Variants in RER1 observed in about 807,000 individuals in gnomAD.
The protein encoded by RER1 is retention in endoplasmic reticulum sorting receptor 1.
Under a neutral mutation model 28.3 loss-of-function variants are expected in RER1, and 6 were observed. The observed-to-expected ratio is 0.21, with a 90% confidence interval of 0.12 to 0.42. The LOEUF is 0.42. RER1 is among the 10% of genes least tolerant of loss of function. The pLI is 1.00. For missense variants in RER1, 159 were observed against 252.9 expected (o/e 0.63, Z 2.52); for synonymous variants, 110 against 95.9 (o/e 1.15, Z -0.86).
chr1:2,399,642 G>C, intron 4 of RER1, 128 bp downstream of exon 4: 2 of 663,534 alleles, frequency 3.0e-6, no homozygotes, highest in Non-Finnish European at 5.4e-6. Context: ...TGTAATGTTG[G>C]GTGATCAGGA....
chr1:2,395,378 C>CT, intron 1 of RER1: 1 of 240,730 alleles, frequency 4.2e-6, no homozygotes, highest in Non-Finnish European at 8.3e-6. Context: ...AGACAAGGTG[C>CT]CTGGGCGGGG....
rs1642836167 is a variant in RER1 at position 2,400,873 on chromosome 1, A to C, written c.303A>C (p.Leu101=). Residue 101 remains leucine, a synonymous_variant, in exon 5 of 7, where the codon CTA becomes CTC. Transcript: ENST00000605895. The stretch of plus-strand genomic sequence containing the variant: ...GCCTTACAGATGACGGTCCTTCGCT[A>C]CCCACCAAACAGAACGAGGAATTCC... ...LMEDSDDGPS[L]PTKQNEEFRP... is the part of the protein sequence containing the mutation. 1.9e-6 allele frequency: 3 copies of C among 1,613,934 alleles called. No homozygotes were observed. The highest frequency in any genetic ancestry group is 2.5e-6 in the Non-Finnish European group (3 of 1,179,966).
At chr1:2,395,633 TCCCGAACAA>T in intron 1 of RER1, 142 bp from the exon 2 acceptor site, 1 of 650,198 alleles carries the variant, frequency 1.5e-6, no homozygotes, top group Admixed American at 2.4e-5. Context: ...TGCTACTTTT[TCCCGAACAA>T]TTCATGGTAA....
At chr1:2,400,504 C>T (rs1323593020) in intron 4 of RER1, among the ~76,000 whole-genome samples, 2 of 152,250 alleles carry the variant, frequency 1.3e-5, no homozygotes, top group African/African-American at 4.8e-5. Flanking sequence ...TCAGCGCATC[C>T]TCGGCCCCGC....
At chr1:2,392,899 G>C (rs910190146) in intron 1 of RER1, among the ~76,000 whole-genome samples, 1 of 152,198 alleles carries the variant, frequency 6.6e-6, no homozygotes, top group African/African-American at 2.4e-5. Flanking sequence ...ACGGGGTCTG[G>C]GAGGGCATTT....
At chr1:2,402,650 C>T (rs1290062934) in intron 6 of RER1, among the ~76,000 whole-genome samples, 1 of 152,206 alleles carries the variant, frequency 6.6e-6, no homozygotes, top group Admixed American at 6.5e-5. Context: ...TGCCCCGCGC[C>T]AGCCTGCCCG....
chr1:2,404,309 A>C lies in RER1; in HGVS notation c.*1185A>C, dbSNP rs960411014. 1 of 152,270 alleles carries C rather than the reference A, an allele frequency of 6.6e-6. No individual in the cohort carries two copies. Among genetic ancestry groups the C allele is most frequent in the African/African-American group, 2.4e-5 (1 of 41,464 alleles). 9.4% of individuals were successfully genotyped at this position (152,270 alleles called of 1,614,324 possible). ...CAAGCTTGTGTGTCCCTGACCCAAG[A>C]TAGCCAGTGCTGCTCCCAGGTGGTA... On this transcript the variant is annotated 3_prime_UTR_variant, in exon 7 of 7. Transcript: ENST00000605895.
At position 2,399,421 on chromosome 1, in the gene RER1, T is replaced by C. The variant is rs2100403388; in HGVS notation, c.193T>C (p.Tyr65His). ...CTCTTTCCTTCTCTTTCAGGGTTGG[T>C]ACATTGTGACCTATGCCTTGGGGAT... is the stretch of plus-strand genomic sequence containing the variant. ...MIRVYLLQGW[Y>H]IVTYALGIYH... The change falls in exon 4 of 7, where the codon TAC becomes CAC. Residue 65 changes from tyrosine (Y) to histidine (H), a missense_variant. Physicochemically the swap from Tyr to His is moderately conservative, Grantham distance 83. Transcript: ENST00000605895. The C allele has an allele frequency of 6.2e-7, 1 of 1,605,820 alleles. No homozygotes were observed. Among genetic ancestry groups the C allele is most frequent in the Non-Finnish European group, 8.5e-7 (1 of 1,172,392 alleles).
At chr1:2,401,260 TCCTCCACCCTCCC>T in intron 5 of RER1, among the ~76,000 whole-genome samples, 1 of 73,384 alleles carries the variant, frequency 1.4e-5, no homozygotes, top group East Asian at 5.2e-4. Flanking sequence ...CCTTCCTCCC[TCCTCCACCCTCCC>T]TCCTCCCTCC....
intron 3 of RER1, 23 bp from the exon 4 acceptor site, chr1:2,399,392 G>T: frequency 2.0e-6 from 3 of 1,509,054 alleles, no homozygotes; most frequent in South Asian, 1.1e-5. Flanking sequence ...GTGCACCACT[G>T]ACTCTCTTTC....
At chr1:2,394,406 G>GT (rs141256925) in intron 1 of RER1, 3 of 152,400 alleles carry the variant, frequency 2.0e-5, no homozygotes, top group African/African-American at 7.2e-5. Context: ...CTGGCCACCT[G>GT]TTGCCTTCCA....
Position 2,402,320 on chromosome 1 carries a change from T to A in RER1, c.479T>A (p.Ile160Asn). 1 of 1,614,202 alleles carries A rather than the reference T, an allele frequency of 6.2e-7. No homozygotes were observed. ...LVMYFIMLFC[I>N]TMKRQIKHMI... Reference sequence around the variant, plus strand: ...ATGTACTTCATCATGCTCTTCTGTATCACGATGAAGAGGCAAATCAAGGTA... The same window carrying A: ...ATGTACTTCATCATGCTCTTCTGTAACACGATGAAGAGGCAAATCAAGGTA... The change falls in exon 6 of 7, where the codon ATC (isoleucine) becomes AAC (asparagine). Residue 160 changes from isoleucine (I) to asparagine (N), a missense_variant. By Grantham distance (149) the Ile-to-Asn change is moderately radical (BLOSUM62 -3). Transcript: ENST00000605895.
At position 2,403,561 on chromosome 1, in the gene RER1, C is replaced by T. The variant is rs1642907098; in HGVS notation, c.*437C>T. 2 of 185,976 alleles carry T rather than the reference C, an allele frequency of 1.1e-5. No individual in the cohort carries two copies. Among genetic ancestry groups the T allele is most frequent in the South Asian group, 1.8e-4 (2 of 10,910 alleles). 11.5% of individuals were successfully genotyped at this position (185,976 alleles called of 1,614,324 possible). On this transcript the variant is annotated 3_prime_UTR_variant, in exon 7 of 7. Transcript: ENST00000605895. ...GAGGGATGATCTAGCCTGATTCCTG[C>T]GTGTCCGAAAGAACTTAACGTTTTA...
At chr1:2,401,143 G>T (rs1377848970) in intron 5 of RER1, among the ~76,000 whole-genome samples, 1 of 151,948 alleles carries the variant, frequency 6.6e-6, no homozygotes, top group African/African-American at 2.4e-5. Context: ...TGGAGGTTGA[G>T]TCTGGGATGG....
At chr1:2,398,904 C>T (rs1422947261) in intron 3 of RER1, among the ~76,000 whole-genome samples, 4 of 152,202 alleles carry the variant, frequency 2.6e-5, no homozygotes, top group Non-Finnish European at 4.4e-5. Flanking sequence ...GTTTAACCCT[C>T]CTGGCAGAGT....
chr1:2,392,143 G>A (rs1199287060), intron 1 of RER1, among the ~76,000 whole-genome samples, 185 bp downstream of exon 1: 2 of 151,452 alleles, frequency 1.3e-5, no homozygotes, highest in African/African-American at 2.4e-5. Context: ...GTCGCGCCTC[G>A]GGGTCGGGCC....
intron 1 of RER1, among the ~76,000 whole-genome samples, chr1:2,392,507 G>C (rs1283345297): frequency 6.6e-6 from 1 of 152,220 alleles, no homozygotes; most frequent in Non-Finnish European, 1.5e-5. Flanking sequence ...TCTCCAGGCT[G>C]ACTTAGTACT....
chr1:2,393,442 G>C (rs11804135), intron 1 of RER1, among the ~76,000 whole-genome samples: 32,338 of 152,066 alleles, frequency 0.21, 4,362 homozygotes, highest in African/African-American at 0.38. Flanking sequence ...ACGGAGGCCT[G>C]TGAAGAGGAG....
At chr1:2,402,474 C>A in intron 6 of RER1, 132 bp downstream of exon 6, 2 of 1,199,128 alleles carry the variant, frequency 1.7e-6, no homozygotes, top group Non-Finnish European at 1.2e-6. Flanking sequence ...TAAGTGGCAC[C>A]GTCTTGTGTG....
Sources: gnomAD v4.1 joint callset for allele counts (sites outside exome capture counted in the v4.1 genomes callset) on GRCh38, gnomAD v4.1.1 for gene constraint, MANE v1.5 for transcripts, NCBI Gene and HGNC (gene_info 2026-07-23, HGNC 2026-07-21) for gene names.